CDC27: variants seen among roughly 807,000 people sequenced by gnomAD.
CDC27 encodes cell division cycle protein 27 homolog.
In CDC27, 27 loss-of-function variants were observed where a neutral mutation model predicts 109.7. That is an observed-to-expected ratio of 0.25 (90% CI 0.18 to 0.34). CDC27 has a LOEUF of 0.34. CDC27 is among the 10% of genes least tolerant of loss of function. The probability of loss-of-function intolerance (pLI) is 1.00; values close to 1 mark genes in which losing one functional copy is unlikely to be tolerated. For synonymous variants in CDC27, 266 were observed against 333.9 expected (o/e 0.80, Z 2.22); for missense variants, 579 against 960.2 (o/e 0.60, Z 5.25).
At chr17:47,126,471 CT>C (rs1365735072) in intron 16 of CDC27, among the ~76,000 whole-genome samples, 1 of 152,126 alleles carries the variant, frequency 6.6e-6, no homozygotes, top group African/African-American at 2.4e-5. Flanking sequence ...GGGAGTCTCT[CT>C]GGTCCTACTT....
intron 1 of CDC27, 122 bp from the exon 2 acceptor site, chr17:47,181,759 A>C: frequency 2.0e-6 from 1 of 509,020 alleles, no homozygotes; most frequent in Non-Finnish European, 3.6e-6. Flanking sequence ...TAAAACCCCA[A>C]TGCCCACAGA....
At chr17:47,143,201 T>C (rs542336690) in intron 10 of CDC27, among the ~76,000 whole-genome samples, 50 of 151,722 alleles carry the variant, frequency 3.3e-4, no homozygotes, top group African/African-American at 1.2e-3. Flanking sequence ...TAAGCTCAAG[T>C]GATCGGCCCA....
chr17:47,122,063 C>A (rs1297209607), intron 18 of CDC27, among the ~76,000 whole-genome samples: 1 of 151,952 alleles, frequency 6.6e-6, no homozygotes, highest in African/African-American at 2.4e-5. Flanking sequence ...TTAATTAAAG[C>A]CTTTCACCAA....
At chr17:47,181,514 A>C (rs368256588) in intron 2 of CDC27, 48 bp downstream of exon 2, 36 of 1,014,392 alleles carry the variant, frequency 3.5e-5, no homozygotes, top group Admixed American at 5.7e-5. Context: ...ATGGAATTTC[A>C]TATATGTTAT....
rs1044720813 is a variant in CDC27 at position 47,119,800 on chromosome 17, C to G, written c.*1135G>C. 30 of 152,060 alleles carry G rather than the reference C, an allele frequency of 2.0e-4. No homozygotes were observed. Among genetic ancestry groups the G allele is most frequent in the African/African-American group, 7.2e-4 (30 of 41,420 alleles). 9.4% of individuals were successfully genotyped at this position (152,060 alleles called of 1,614,324 possible). A position where few individuals can be genotyped will look rare whatever the true frequency, so the allele number is the denominator to read the frequency against. ...CTCCTTCATAAGAATGTTTTTTCCCCCAAGCTAAAAATTTCCAACATCCTA... is the reference window on the plus strand; with the variant it reads ...CTCCTTCATAAGAATGTTTTTTCCCGCAAGCTAAAAATTTCCAACATCCTA... On this transcript the variant is annotated 3_prime_UTR_variant, in exon 19 of 19. Coordinates refer to ENST00000066544, the MANE Select transcript of CDC27 (RefSeq NM_001256.6).
At chr17:47,184,674 C>A (rs1598619626) in intron 1 of CDC27, among the ~76,000 whole-genome samples, 1 of 152,334 alleles carries the variant, frequency 6.6e-6, no homozygotes, top group Non-Finnish European at 1.5e-5. Flanking sequence ...TCAGAAAAAA[C>A]TTGCCATCTC....
intron 16 of CDC27, among the ~76,000 whole-genome samples, chr17:47,127,076 G>C (rs1294570167): frequency 2.0e-5 from 3 of 152,142 alleles, no homozygotes; most frequent in Non-Finnish European, 4.4e-5. Context: ...TTACAAGCAT[G>C]GGCCACGGCA....
chr17:47,177,593 A>G (rs2064064848), intron 2 of CDC27, among the ~76,000 whole-genome samples: 1 of 152,204 alleles, frequency 6.6e-6, no homozygotes, highest in Non-Finnish European at 1.5e-5. Context: ...AACATTTTGC[A>G]GTGTGGGATG....
In CDC27 at chr17:47,187,816, T is replaced by TTA. The variant is rs568748462; in HGVS notation, c.27+1328_27+1329dup. ...TAAGTTCATGTTAGGCCTTAAAAAA[T>TTA]TATATATATATAATTACCTCATCTA... On this transcript the variant is annotated intron_variant, in intron 1 of 18. Coordinates refer to ENST00000066544, the MANE Select transcript of CDC27 (RefSeq NM_001256.6). Among the ~76,000 whole-genome samples the TTA allele has an allele frequency of 5.1e-4, 77 of 150,190 alleles. 1 individual carries two copies. The East Asian group carries it at 0.014, about 27-fold the overall frequency.
chr17:47,133,102 T>C (rs2062435323), intron 14 of CDC27, among the ~76,000 whole-genome samples: 3 of 7,072 alleles, frequency 4.2e-4, no homozygotes, highest in African/African-American at 7.7e-4. Context: ...CACACACAAA[T>C]ATACATATAT....
chr17:47,174,334 C>T (rs558374744), intron 2 of CDC27, among the ~76,000 whole-genome samples: 184 of 152,282 alleles, frequency 1.2e-3, no homozygotes, highest in Non-Finnish European at 1.5e-3. Context: ...CTCCAACTTA[C>T]GGATAATGGC....
At position 47,142,025 on chromosome 17, in the gene CDC27, T is replaced by C. The variant is rs745396630; in HGVS notation, c.1379A>G (p.Glu460Gly). ...TTCACGAAGAAGGCTCATCAAACCT[T>C]CTAGGAGAAAACAACATAGTAAACA... is the stretch of plus-strand genomic sequence containing the variant. ...QAFNLQKAAA[E>G]GLMSLLREMG... The change falls in exon 12 of 19, where the codon GAA (glutamate) becomes GGA (glycine). Residue 460 changes from glutamate to glycine, a missense_variant and splice_region_variant. Transcript: ENST00000066544. 3.2e-6 allele frequency: 5 copies of C among 1,579,596 alleles called. No homozygotes were observed. In the African/African-American group the frequency reaches 4.1e-5, roughly 13 times the overall value.
At chr17:47,133,016 T>TATATAC (rs2062409261) in intron 14 of CDC27, among the ~76,000 whole-genome samples, 1 of 45,900 alleles carries the variant, frequency 2.2e-5, no homozygotes, top group African/African-American at 7.2e-5. Context: ...TATATATATA[T>TATATAC]ATATATATAT....
intron 2 of CDC27, among the ~76,000 whole-genome samples, 167 bp from the exon 3 acceptor site, chr17:47,172,231 T>C (rs962531497): frequency 5.3e-5 from 8 of 152,180 alleles, no homozygotes; most frequent in African/African-American, 1.9e-4. Flanking sequence ...GGTTTGCTTA[T>C]AGCAAAGTCA....
chr17:47,133,052 C>CACACACACACAT (rs1266681276), intron 14 of CDC27, among the ~76,000 whole-genome samples: 77 of 70,666 alleles, frequency 1.1e-3, no homozygotes, highest in East Asian at 6.5e-3. Context: ...CACACACACA[C>CACACACACACAT]ACATACATAT....
chr17:47,133,924 T>C (rs1037545565), intron 14 of CDC27, among the ~76,000 whole-genome samples: 2 of 152,092 alleles, frequency 1.3e-5, no homozygotes, highest in African/African-American at 4.8e-5. Context: ...AATTTTCTTG[T>C]ATTTTTAGTA....
intron 9 of CDC27, among the ~76,000 whole-genome samples, chr17:47,147,584 T>C (rs1380100659): frequency 6.6e-6 from 1 of 150,656 alleles, no homozygotes; most frequent in Non-Finnish European, 1.5e-5. Context: ...TTCAAAAACA[T>C]AGAAGAGACT....
At position 47,122,467 on chromosome 17, in the gene CDC27, G is replaced by T. The variant is rs747905668; in HGVS notation, c.2369C>A (p.Pro790Gln). The change falls in exon 18 of 19, where the codon CCA becomes CAA. Residue 790 changes from proline to glutamine, a missense_variant. Transcript: ENST00000066544. ...DKRYLPDDEEPITQEEQIMGT... is the reference protein window; with the variant it reads ...DKRYLPDDEEQITQEEQIMGT... Reference sequence around the variant, plus strand: ...ACTGATCTGTTCTTCTTGGGTTATTGGCTCCTCATCATCTGGAAGATAACG... The same window carrying T: ...ACTGATCTGTTCTTCTTGGGTTATTTGCTCCTCATCATCTGGAAGATAACG... 1.7e-5 allele frequency: 28 copies of T among 1,603,954 alleles called. No homozygotes were observed. Among genetic ancestry groups the T allele is most frequent in the Middle Eastern group, 3.3e-4 (2 of 6,030 alleles).
intron 16 of CDC27, among the ~76,000 whole-genome samples, chr17:47,125,099 A>C (rs1462320360): frequency 6.6e-6 from 1 of 151,298 alleles, no homozygotes; most frequent in Non-Finnish European, 1.5e-5. Flanking sequence ...TTGTATTTTT[A>C]GTAGAGATGG....
Sources: allele counts gnomAD v4.1 joint callset (sites outside exome capture counted in the v4.1 genomes callset), GRCh38; gene constraint gnomAD v4.1.1; transcripts MANE v1.5; gene names NCBI Gene and HGNC (gene_info 2026-07-23, HGNC 2026-07-21).